The following THRB variants were observed in gnomAD, a reference collection of about 807,000 sequenced individuals.
THRB encodes the protein nuclear receptor subfamily 1 group A member 2.
In THRB, 12 loss-of-function variants were observed where a neutral mutation model predicts 47.8. That is an observed-to-expected ratio of 0.25 (90% CI 0.16 to 0.41). The LOEUF is 0.41. Ranked by LOEUF, THRB falls within the 10% of genes least tolerant of loss-of-function variation. THRB has a pLI of 1.00. For synonymous variants in THRB, 218 were observed against 212.2 expected (o/e 1.03, Z -0.24); for missense variants, 348 against 589.2 (o/e 0.59, Z 4.24).
chr3:24,284,540 A>C (rs930513186), intron 3 of THRB, among the ~76,000 whole-genome samples: 3 of 151,952 alleles, frequency 2.0e-5, no homozygotes, highest in Non-Finnish European at 4.4e-5. Flanking sequence ...TCATGTCTAA[A>C]ACACCAAAAG....
intron 1 of THRB, among the ~76,000 whole-genome samples, chr3:24,493,482 T>C (rs1698500360): frequency 1.3e-5 from 2 of 152,260 alleles, no homozygotes; most frequent in Non-Finnish European, 2.9e-5. Flanking sequence ...GAATGCTTAA[T>C]TTCTTGAACT....
Position 24,333,355 on chromosome 3 carries a change from T to G in THRB, c.-189+3945A>C, listed in dbSNP as rs183504825. Among the ~76,000 whole-genome samples the G allele has an allele frequency of 2.9e-3, 443 of 152,250 alleles. 1 individual carries two copies. Among genetic ancestry groups the G allele is most frequent in the Non-Finnish European group, 5.0e-3 (343 of 68,000 alleles). On this transcript the variant is annotated intron_variant, in intron 2 of 10. Coordinates refer to ENST00000646209, the MANE Select transcript of THRB (RefSeq NM_001354712.2). ...AAGCAAGAGAGAGAAAAGAAAGAAA[T>G]AAATTTCAAGAACTTTGGCGCTAGC...
intron 3 of THRB, among the ~76,000 whole-genome samples, chr3:24,274,372 T>G (rs888798275): frequency 2.0e-5 from 3 of 152,184 alleles, no homozygotes; most frequent in Admixed American, 2.0e-4. Context: ...TAGGGTTACC[T>G]AGGGAAGCAA....
chr3:24,407,472 C>A (rs1033051101), intron 1 of THRB, among the ~76,000 whole-genome samples: 1 of 151,770 alleles, frequency 6.6e-6, no homozygotes, highest in Non-Finnish European at 1.5e-5. Context: ...TTATGATTTG[C>A]AATTCTAGTG....
chr3:24,380,944 G>A lies in THRB; in HGVS notation c.-260-43573C>T, dbSNP rs566188650. Among the ~76,000 whole-genome samples, 7 of 151,962 alleles carry A rather than the reference G, an allele frequency of 4.6e-5. No individual in the cohort carries two copies. In the South Asian group the frequency reaches 8.3e-4, roughly 18 times the overall value. The stretch of plus-strand genomic sequence containing the variant: ...ATCCTGGACAACATGGTGAAACCCC[G>A]TTTCTACTAAAAATACAAAAATTAG... On this transcript the variant is annotated intron_variant, in intron 1 of 10. Transcript: ENST00000646209.
intron 5 of THRB, among the ~76,000 whole-genome samples, chr3:24,161,583 T>G (rs1255248036): frequency 6.7e-6 from 1 of 149,988 alleles, no homozygotes; most frequent in African/African-American, 2.4e-5. Context: ...CAAATGCCTA[T>G]GTAATTGTTC....
chr3:24,153,374 G>C (rs1206995525), intron 5 of THRB, among the ~76,000 whole-genome samples: 1 of 152,144 alleles, frequency 6.6e-6, no homozygotes, highest in Admixed American at 6.5e-5. Flanking sequence ...TTCTAAAAAT[G>C]GAGAGTTGAC....
rs186658228 is a variant in THRB at position 24,133,173 on chromosome 3, T to G, written c.885+143A>C. On this transcript the variant is annotated intron_variant, in intron 9 of 10. Transcript: ENST00000646209. ...AGTGGGAAATCCAAATGAAATAGAA[T>G]GCATTTTCGTTTTGTACTGACGTTG... 13 of 816,442 alleles carry G rather than the reference T, an allele frequency of 1.6e-5. No homozygotes were observed. The East Asian group carries it at 3.2e-4, about 20-fold the overall frequency. The allele number at this position is 816,442 out of a possible 1,614,324, so 50.6% of individuals were successfully genotyped here.
intron 1 of THRB, among the ~76,000 whole-genome samples, chr3:24,407,836 A>T (rs892022682): frequency 6.6e-6 from 1 of 151,904 alleles, no homozygotes; most frequent in Non-Finnish European, 1.5e-5. Context: ...ATACAGAAAT[A>T]ATTGTAATTC....
At chr3:24,179,072 C>T (rs547216816) in intron 5 of THRB, among the ~76,000 whole-genome samples, 71 of 152,104 alleles carry the variant, frequency 4.7e-4, no homozygotes, top group East Asian at 2.5e-3. Context: ...GATCCCAGAC[C>T]GGAAAATAAG....
intron 1 of THRB, among the ~76,000 whole-genome samples, chr3:24,472,593 C>A (rs62228856): frequency 0.03 from 4,557 of 152,268 alleles, 95 homozygotes; most frequent in South Asian, 0.057. Context: ...GAAGGTGATT[C>A]ATCTCTGTGT....
At chr3:24,226,256 A>G (rs1246538094) in intron 4 of THRB, among the ~76,000 whole-genome samples, 1 of 152,190 alleles carries the variant, frequency 6.6e-6, no homozygotes, top group Non-Finnish European at 1.5e-5. Flanking sequence ...CCTTTGAAGT[A>G]TGCTCCTAGA....
Position 24,122,657 on chromosome 3 carries a change from TA to T in THRB, c.*226del. 1 of 592,892 alleles carries T rather than the reference TA, an allele frequency of 1.7e-6. No individual in the cohort carries two copies. The highest frequency in any genetic ancestry group is 2.9e-6 in the Non-Finnish European group (1 of 339,372). 36.7% of individuals were successfully genotyped at this position (592,892 alleles called of 1,614,324 possible). On this transcript the variant is annotated 3_prime_UTR_variant, in exon 11 of 11. Transcript: ENST00000646209. ...GTCCCCCACCCCACCTCCACAACCA[TA>T]AAACCTTCAGAGCATTCACATCACA...
At chr3:24,349,401 A>C (rs1258424216) in intron 1 of THRB, among the ~76,000 whole-genome samples, 1 of 152,144 alleles carries the variant, frequency 6.6e-6, no homozygotes, top group Admixed American at 6.6e-5. Context: ...AGAATAATCA[A>C]GGCAAAATTG....
intron 1 of THRB, among the ~76,000 whole-genome samples, chr3:24,394,084 G>A (rs150899476): frequency 1.2e-3 from 176 of 152,192 alleles, no homozygotes; most frequent in African/African-American, 3.6e-3. Context: ...GCTCAAAGAA[G>A]TTAAACAATT....
intron 3 of THRB, among the ~76,000 whole-genome samples, chr3:24,243,837 G>A (rs573098188): frequency 6.6e-6 from 1 of 152,164 alleles, no homozygotes; most frequent in African/African-American, 2.4e-5. Flanking sequence ...TTCATAGCAG[G>A]CCCTTAGTAA....
intron 1 of THRB, among the ~76,000 whole-genome samples, chr3:24,420,010 T>A (rs897345750): frequency 4.0e-5 from 6 of 151,860 alleles, no homozygotes; most frequent in Non-Finnish European, 5.9e-5. Flanking sequence ...TTACTTGGCC[T>A]CTCTGAGAAC....
At chr3:24,464,654 C>T (rs1484407139) in intron 1 of THRB, among the ~76,000 whole-genome samples, 1 of 152,030 alleles carries the variant, frequency 6.6e-6, no homozygotes, top group East Asian at 1.9e-4. Context: ...TTTCAGTTGT[C>T]TTATTTGTTG....
intron 1 of THRB, among the ~76,000 whole-genome samples, chr3:24,391,743 C>T (rs1448554100): frequency 2.6e-5 from 4 of 152,108 alleles, no homozygotes. Flanking sequence ...CTTCCTCTGT[C>T]CTCTCCTTTT....
Sources: allele counts gnomAD v4.1 joint callset (sites outside exome capture counted in the v4.1 genomes callset), GRCh38; gene constraint gnomAD v4.1.1; transcripts MANE v1.5; gene names NCBI Gene and HGNC (gene_info 2026-07-23, HGNC 2026-07-21).